Variants in PCDH9 observed in about 807,000 individuals in gnomAD.
PCDH9 encodes the protein protocadherin 9, also known as protocadherin-9.
PCDH9 carries 24 observed loss-of-function variants against 70.6 expected under a neutral mutation model. That is an observed-to-expected ratio of 0.34 (90% CI 0.25 to 0.48). PCDH9 has a LOEUF of 0.48. Among genes scored for constraint, PCDH9 ranks in the 20% least tolerant of loss-of-function variants. The pLI is 0.99. For synonymous variants in PCDH9, 562 were observed against 558.5 expected (o/e 1.01, Z -0.09); for missense variants, 1,281 against 1,503.6 (o/e 0.85, Z 2.45).
At chr13:66,712,243 A>C (rs2078804694) in intron 3 of PCDH9, among the ~76,000 whole-genome samples, 3 of 152,284 alleles carry the variant, frequency 2.0e-5, no homozygotes, top group African/African-American at 7.2e-5. Flanking sequence ...CACATAGTTA[A>C]ATTTATATGA....
chr13:66,431,324 A>G (rs1190652193), intron 4 of PCDH9, among the ~76,000 whole-genome samples: 1 of 152,084 alleles, frequency 6.6e-6, no homozygotes, highest in Non-Finnish European at 1.5e-5. Flanking sequence ...CATCAATACT[A>G]CAAGTATTAA....
chr13:67,050,619 T>C (rs563307677), intron 2 of PCDH9, among the ~76,000 whole-genome samples: 1 of 152,332 alleles, frequency 6.6e-6, no homozygotes, highest in East Asian at 1.9e-4. Context: ...ACTTCTAAAA[T>C]ATGTTGTCAT....
intron 3 of PCDH9, among the ~76,000 whole-genome samples, chr13:66,743,869 T>C (rs1469610367): frequency 6.6e-6 from 1 of 152,102 alleles, no homozygotes; most frequent in African/African-American, 2.4e-5. Context: ...AGTAGTGTCA[T>C]GAGATATAAC....
intron 3 of PCDH9, among the ~76,000 whole-genome samples, chr13:66,718,099 A>T (rs1351485087): frequency 6.6e-6 from 1 of 152,214 alleles, no homozygotes; most frequent in East Asian, 1.9e-4. Context: ...GTCTCTCACT[A>T]CTGTGCTTTT....
chr13:67,189,567 C>T lies in PCDH9; in HGVS notation c.3036+35838G>A, dbSNP rs77948104. Reference sequence around the variant, plus strand: ...AGGCAACAAGGATACGGCTTAACTGCGAGTAAAGAAACCTGCCTGATAAAA... The same window carrying T: ...AGGCAACAAGGATACGGCTTAACTGTGAGTAAAGAAACCTGCCTGATAAAA... On this transcript the variant is annotated intron_variant, in intron 2 of 4. Transcript: ENST00000377865. 1.4e-4 allele frequency among the ~76,000 whole-genome samples: 21 copies of T among 151,776 alleles called. No homozygotes were observed. In the East Asian group the frequency reaches 1.7e-3, roughly 13 times the overall value.
chr13:66,445,431 T>C (rs1958055782), intron 4 of PCDH9, among the ~76,000 whole-genome samples: 1 of 146,196 alleles, frequency 6.8e-6, no homozygotes, highest in South Asian at 2.1e-4. Context: ...GATAAATTAA[T>C]AGATGTAGAT....
chr13:66,549,529 A>AT (rs1267704053), intron 4 of PCDH9, among the ~76,000 whole-genome samples: 7 of 150,492 alleles, frequency 4.7e-5, no homozygotes, highest in African/African-American at 1.7e-4. Context: ...CTGTTCACTT[A>AT]TTTTTTTTTA....
At chr13:66,873,720 T>C (rs1460412573) in intron 3 of PCDH9, among the ~76,000 whole-genome samples, 1 of 152,076 alleles carries the variant, frequency 6.6e-6, no homozygotes, top group South Asian at 2.1e-4. Flanking sequence ...TTTCCAGATA[T>C]ACCATATTCC....
chr13:67,135,164 T>C (rs1441224028), intron 2 of PCDH9, among the ~76,000 whole-genome samples: 1 of 152,170 alleles, frequency 6.6e-6, no homozygotes, highest in Non-Finnish European at 1.5e-5. Flanking sequence ...TAAGATGCAG[T>C]TGATGGCAAG....
intron 2 of PCDH9, among the ~76,000 whole-genome samples, chr13:66,909,253 A>T (rs1474630394): frequency 6.6e-6 from 1 of 152,118 alleles, no homozygotes; most frequent in African/African-American, 2.4e-5. Context: ...GAGTTGAAAG[A>T]TCTTTACAAG....
At chr13:66,372,423 C>T (rs2138219985) in intron 4 of PCDH9, among the ~76,000 whole-genome samples, 1 of 151,546 alleles carries the variant, frequency 6.6e-6, no homozygotes, top group South Asian at 2.1e-4. Flanking sequence ...TGGTGAACAT[C>T]ATATAAAAAG....
At chr13:66,661,115 G>A (rs1191516552) in intron 3 of PCDH9, among the ~76,000 whole-genome samples, 1 of 152,126 alleles carries the variant, frequency 6.6e-6, no homozygotes, top group Admixed American at 6.6e-5. Context: ...TTTTGATTTG[G>A]TGACATGCTG....
At chr13:66,387,276 C>G (rs1456288116) in intron 4 of PCDH9, among the ~76,000 whole-genome samples, 1 of 152,076 alleles carries the variant, frequency 6.6e-6, no homozygotes, top group Non-Finnish European at 1.5e-5. Context: ...AAATGTATCT[C>G]AAAAGTTATG....
At chr13:66,393,978 G>C (rs1957062562) in intron 4 of PCDH9, among the ~76,000 whole-genome samples, 1 of 152,200 alleles carries the variant, frequency 6.6e-6, no homozygotes, top group Non-Finnish European at 1.5e-5. Flanking sequence ...AGGCATTTGA[G>C]ATTATACTAT....
intron 3 of PCDH9, among the ~76,000 whole-genome samples, chr13:66,809,851 A>G (rs747548763): frequency 6.6e-5 from 10 of 152,226 alleles, no homozygotes; most frequent in African/African-American, 2.4e-4. Context: ...AGTGATCAAC[A>G]TAGGATCAAA....
At chr13:66,577,553 G>A (rs925713372) in intron 4 of PCDH9, among the ~76,000 whole-genome samples, 11 of 151,716 alleles carry the variant, frequency 7.3e-5, no homozygotes, top group Admixed American at 3.3e-4. Context: ...ATTGTCCCTC[G>A]TCAGTCAGTA....
At chr13:66,371,908 T>G (rs1555285968) in intron 4 of PCDH9, among the ~76,000 whole-genome samples, 6 of 152,050 alleles carry the variant, frequency 3.9e-5, no homozygotes, top group Non-Finnish European at 2.9e-5. Flanking sequence ...GGAGTTTGCC[T>G]AAAAGATTTG....
chr13:66,949,638 T>A lies in PCDH9; in HGVS notation c.3037-46033A>T, dbSNP rs117617128. Among the ~76,000 whole-genome samples, 1,235 of 152,028 alleles carry A rather than the reference T, an allele frequency of 8.1e-3. 9 individuals carry two copies. Among genetic ancestry groups the A allele is most frequent in the Middle Eastern group, 0.051 (15 of 294 alleles). On this transcript the variant is annotated intron_variant, in intron 2 of 4. Transcript: ENST00000377865. The stretch of plus-strand genomic sequence containing the variant: ...TTTTTTGATCAGCAAGAGACCCCCA[T>A]TAAAATGTAAATACTCCTGGGAGAT...
At chr13:66,427,950 G>C (rs1418462552) in intron 4 of PCDH9, among the ~76,000 whole-genome samples, 1 of 151,612 alleles carries the variant, frequency 6.6e-6, no homozygotes, top group Non-Finnish European at 1.5e-5. Flanking sequence ...AATACAACAA[G>C]ATAATTAATA....
Sources: allele counts gnomAD v4.1 joint callset (sites outside exome capture counted in the v4.1 genomes callset), GRCh38; gene constraint gnomAD v4.1.1; transcripts MANE v1.5; gene names NCBI Gene and HGNC (gene_info 2026-07-23, HGNC 2026-07-21).